Variants in WDR19 observed in about 807,000 individuals in gnomAD.
WDR19 encodes WD repeat-containing protein 19.
A neutral mutation model predicts 180.0 loss-of-function variants in WDR19; 121 were observed. That is an observed-to-expected ratio of 0.67 (90% CI 0.58 to 0.78). WDR19 has a LOEUF of 0.78. Among genes scored for constraint, WDR19 ranks in the 30% least tolerant of loss-of-function variants. The probability of loss-of-function intolerance (pLI) is 0.00; values close to 1 mark genes in which losing one functional copy is unlikely to be tolerated. For synonymous variants in WDR19, 497 were observed against 540.7 expected (o/e 0.92, Z 1.12); for missense variants, 1,450 against 1,640.7 (o/e 0.88, Z 2.01).
intron 2 of WDR19, 80 bp downstream of exon 2, chr4:39,185,897 TTG>T: frequency 8.4e-7 from 1 of 1,189,192 alleles, no homozygotes; most frequent in Non-Finnish European, 1.1e-6. Context: ...GTTTTTTTTG[TTG>T]TTGTTTTTTT....
In WDR19 at chr4:39,228,233, TCCAGATTTTTCACCAA is replaced by T. The variant is rs1730478237; in HGVS notation, c.1657_1672del (p.Asp553LeufsTer61). On this transcript the variant is annotated frameshift_variant, in exon 16 of 37. Transcript: ENST00000399820. LOFTEE classifies it high-confidence loss of function. Reference sequence around the variant, plus strand: ...AGGTCAATGACGCTACCTATGAGATTCCAGATTTTTCACCAACCATTAAAGGTGTTCTTTGGGAAAA... The same window carrying T: ...AGGTCAATGACGCTACCTATGAGATTCCATTAAAGGTGTTCTTTGGGAAAA... 6.2e-7 allele frequency: 1 copy of T among 1,613,098 alleles called. No homozygotes were observed. The highest frequency in any genetic ancestry group is 8.5e-7 in the Non-Finnish European group (1 of 1,179,640).
At chr4:39,194,003 T>C (rs1005426745) in intron 4 of WDR19, among the ~76,000 whole-genome samples, 1 of 152,238 alleles carries the variant, frequency 6.6e-6, no homozygotes, top group Non-Finnish European at 1.5e-5. Flanking sequence ...TAGGGAATTG[T>C]ATAACACTTC....
intron 29 of WDR19, 69 bp from the exon 30 acceptor site, chr4:39,267,926 C>A (rs2109489943): frequency 1.4e-6 from 2 of 1,382,654 alleles, no homozygotes; most frequent in Non-Finnish European, 2.0e-6. Flanking sequence ...ATTCTAACTG[C>A]AATACAAAAA....
chr4:39,245,503 C>A, intron 24 of WDR19, 51 bp downstream of exon 24: 1 of 1,551,806 alleles, frequency 6.4e-7, no homozygotes, highest in Admixed American at 1.8e-5. Context: ...GTAAGCTTTA[C>A]AAATTAACCA....
intron 3 of WDR19, among the ~76,000 whole-genome samples, chr4:39,188,633 A>G (rs2109247095): frequency 6.6e-6 from 1 of 151,672 alleles, no homozygotes; most frequent in Non-Finnish European, 1.5e-5. Flanking sequence ...AAAAAAAAAA[A>G]AAGAAAAGAA....
intron 5 of WDR19, 126 bp downstream of exon 5, chr4:39,194,785 T>C: frequency 1.6e-6 from 1 of 641,596 alleles, no homozygotes; most frequent in Non-Finnish European, 2.7e-6. Context: ...CCCATGTCCC[T>C]CCGCAAGTCT....
At chr4:39,185,887 G>GT (rs1381647877) in intron 2 of WDR19, 70 bp downstream of exon 2, 116 of 1,115,222 alleles carry the variant, frequency 1.0e-4, no homozygotes, top group South Asian at 3.8e-4. Flanking sequence ...CTCAGTAGAA[G>GT]TTTTTTTTGT....
chr4:39,252,072 G>T (rs977039168), intron 24 of WDR19, among the ~76,000 whole-genome samples: 1 of 151,868 alleles, frequency 6.6e-6, no homozygotes, highest in African/African-American at 2.4e-5. Flanking sequence ...TGTTTATTGT[G>T]GCACTATTCA....
At chr4:39,203,559 AAAC>A in intron 6 of WDR19, 80 bp from the exon 7 acceptor site, 3 of 1,203,684 alleles carry the variant, frequency 2.5e-6, no homozygotes, top group Non-Finnish European at 3.5e-6. Flanking sequence ...TCAGGAATGA[AAAC>A]AAGTTATCCA....
chr4:39,231,768 C>T (rs1174683333), intron 17 of WDR19, 29 bp from the exon 18 acceptor site: 1 of 1,526,880 alleles, frequency 6.5e-7, no homozygotes, highest in Non-Finnish European at 8.9e-7. Context: ...GTGGAACATT[C>T]TGATTAAGCT....
chr4:39,271,968 A>T lies in WDR19; in HGVS notation c.3484-1012A>T, dbSNP rs543845183. ...TTTTAAATTTAAGTAGCCATACGTGATTAATGCCTACCACAGGAGACTGCA... is the reference window on the plus strand; with the variant it reads ...TTTTAAATTTAAGTAGCCATACGTGTTTAATGCCTACCACAGGAGACTGCA... On this transcript the variant is annotated intron_variant, in intron 31 of 36. Coordinates refer to ENST00000399820, the MANE Select transcript of WDR19 (RefSeq NM_025132.4). Among the ~76,000 whole-genome samples the T allele has an allele frequency of 6.4e-3, 982 of 152,328 alleles. 8 individuals carry two copies. The highest frequency in any genetic ancestry group is 0.012 in the South Asian group (59 of 4,818).
At position 39,234,876 on chromosome 4, in the gene WDR19, G is replaced by A. The variant is rs886041912; in HGVS notation, c.2363+1G>A. The stretch of plus-strand genomic sequence containing the variant: ...AATATGCTATTCAGCTTGAATTCGC[G>A]TAAGTCTTTGTTTTTATACATTTCA... On this transcript the variant is annotated splice_donor_variant, in intron 20 of 36. Coordinates refer to ENST00000399820, the MANE Select transcript of WDR19 (RefSeq NM_025132.4). LOFTEE classifies it high-confidence loss of function. 18 of 1,546,824 alleles carry A rather than the reference G, an allele frequency of 1.2e-5. No homozygotes were observed. The highest frequency in any genetic ancestry group is 3.6e-5 in the South Asian group (3 of 83,984).
chr4:39,234,647 C>T, intron 19 of WDR19, 119 bp from the exon 20 acceptor site: 1 of 704,992 alleles, frequency 1.4e-6, no homozygotes. Context: ...TTGTAAAGAT[C>T]AAGTTTCATT....
chr4:39,244,472 A>G lies in WDR19; in HGVS notation c.2565A>G (p.Gln855=), dbSNP rs760171850. The change falls in exon 23 of 37, where the codon CAA becomes CAG. Residue 855 remains glutamine, a splice_region_variant and synonymous_variant. Transcript: ENST00000399820. ...TTAATAATCCTGTCTTATTTTAGCA[A>G]TTTTCAGAAGCGGCCCAACTGTATG... ...DCGAILENMK[Q]FSEAAQLYEK... The G allele has an allele frequency of 6.2e-7, 1 of 1,613,944 alleles. No homozygotes were observed. The highest frequency in any genetic ancestry group is 1.1e-5 in the South Asian group (1 of 91,074).
chr4:39,201,656 G>A (rs1266414937), intron 6 of WDR19, among the ~76,000 whole-genome samples: 1 of 152,090 alleles, frequency 6.6e-6, no homozygotes, highest in African/African-American at 2.4e-5. Context: ...GAAATAGAAT[G>A]GTAAATATGG....
chr4:39,215,114 A>G (rs1478836629), intron 10 of WDR19, among the ~76,000 whole-genome samples: 1 of 152,156 alleles, frequency 6.6e-6, no homozygotes, highest in Non-Finnish European at 1.5e-5. Flanking sequence ...TCCCTAAAAT[A>G]GTCTCCTTAT....
At chr4:39,238,458 C>T (rs562313855) in intron 20 of WDR19, among the ~76,000 whole-genome samples, 1 of 152,276 alleles carries the variant, frequency 6.6e-6, no homozygotes, top group Non-Finnish European at 1.5e-5. Flanking sequence ...ATTTAGCTTG[C>T]CCAAGGAAAA....
chr4:39,182,766 G>A (rs2109731874), intron 1 of WDR19, among the ~76,000 whole-genome samples: 1 of 152,192 alleles, frequency 6.6e-6, no homozygotes, highest in South Asian at 2.1e-4. Context: ...AGAGGAGAGG[G>A]CGGAGAGAGA....
At chr4:39,210,985 A>G (rs573220589) in intron 9 of WDR19, among the ~76,000 whole-genome samples, 1 of 152,188 alleles carries the variant, frequency 6.6e-6, no homozygotes, top group Admixed American at 6.5e-5. Context: ...AGTTACCTGT[A>G]GTCCAAGCAA....
Sources: allele counts gnomAD v4.1 joint callset (sites outside exome capture counted in the v4.1 genomes callset), GRCh38; gene constraint gnomAD v4.1.1; transcripts MANE v1.5; gene names NCBI Gene and HGNC (gene_info 2026-07-23, HGNC 2026-07-21).